The following KDM6A variants were observed in gnomAD, a reference collection of about 807,000 sequenced individuals.
KDM6A encodes the protein lysine-specific demethylase 6A.
In KDM6A, 11 loss-of-function variants were observed where a neutral mutation model predicts 117.6. That is an observed-to-expected ratio of 0.09 (90% CI 0.06 to 0.15). KDM6A has a LOEUF of 0.15. KDM6A is among the 10% of genes least tolerant of loss of function. The pLI is 1.00. For synonymous variants in KDM6A, 384 were observed against 396.1 expected, an observed-to-expected ratio of 0.97 and a Z score of 0.36; for missense variants, 799 against 1,077.3, an observed-to-expected ratio of 0.74 and a Z score of 3.62.
At chrX:44,941,875 G>A (rs2037346899) in intron 2 of KDM6A, among the ~76,000 whole-genome samples, 1 of 110,038 alleles carries the variant, frequency 9.1e-6, no homozygotes, top group Non-Finnish European at 1.9e-5. Context: ...CTGCATCACT[G>A]ACCTTCCTTT....
At chrX:44,928,925 A>G (rs1035929212) in intron 2 of KDM6A, among the ~76,000 whole-genome samples, 1 of 111,281 alleles carries the variant, frequency 9.0e-6, no homozygotes, top group Non-Finnish European at 1.9e-5. Context: ...ATAACCTTCA[A>G]AGTCATTTTA....
At position 45,002,028 on chromosome X, in the gene KDM6A, A is replaced by T. The variant is rs191206422; in HGVS notation, c.385-8933A>T. ...AGTGGAAGATAAACCAAGTATATAA[A>T]TTCTAAGAAACTGATCTTTTGTTTT... On this transcript the variant is annotated intron_variant, in intron 4 of 29. Coordinates refer to ENST00000611820, the MANE Select transcript of KDM6A (RefSeq NM_001291415.2). Among the ~76,000 whole-genome samples, 501 of 111,507 alleles carry T rather than the reference A, an allele frequency of 4.5e-3. 8 individuals are homozygous for T. Among genetic ancestry groups the T allele is most frequent in the African/African-American group, 0.013 (409 of 30,640 alleles).
intron 3 of KDM6A, among the ~76,000 whole-genome samples, chrX:44,964,676 T>G (rs186237772): frequency 8.9e-6 from 1 of 111,916 alleles, no homozygotes; most frequent in East Asian, 2.8e-4. Flanking sequence ...TTCAGTCGAC[T>G]GTGCTGTGAA....
In KDM6A at chrX:45,063,551, G is replaced by A. The variant is rs1569534053; in HGVS notation, c.1813G>A (p.Val605Ile). The A allele has an allele frequency of 8.3e-7, 1 of 1,211,679 alleles. No individual in the cohort carries two copies. The highest frequency in any genetic ancestry group is 1.7e-5 in the African/African-American group (1 of 57,754). The change falls in exon 17 of 30, where the codon GTC becomes ATC. Residue 605 changes from valine to isoleucine, a missense_variant. This residue lies in a region of KDM6A where 301 missense variants were observed against 318.3 expected (regional missense o/e 0.95). Transcript: ENST00000611820. ...PQLALTRVPS[V>I]SQPGVRPACP... The stretch of plus-strand genomic sequence containing the variant: ...GCTTGCTCTGACCAGAGTGCCTAGC[G>A]TCTCTCAGCCTGGAGTCCGTCCTGC...
chrX:44,914,972 C>T (rs1391373989), intron 2 of KDM6A, among the ~76,000 whole-genome samples: 2 of 111,124 alleles, frequency 1.8e-5, no homozygotes, highest in East Asian at 2.8e-4. Context: ...ATGAGTCTGT[C>T]CTGCTACATT....
chrX:45,016,762 T>G (rs2041988456), intron 5 of KDM6A, among the ~76,000 whole-genome samples: 1 of 111,576 alleles, frequency 9.0e-6, no homozygotes, highest in Non-Finnish European at 1.9e-5. Flanking sequence ...CCTCTCAAAG[T>G]GCTGGGATTA....
At chrX:44,999,267 G>A (rs1569512830) in intron 4 of KDM6A, among the ~76,000 whole-genome samples, 1 of 112,094 alleles carries the variant, frequency 8.9e-6, no homozygotes, top group Non-Finnish European at 1.9e-5. Flanking sequence ...AGAAGGGTGC[G>A]CCCTTACAGA....
intron 17 of KDM6A, among the ~76,000 whole-genome samples, chrX:45,065,806 A>G (rs1464018217): frequency 8.9e-6 from 1 of 112,114 alleles, no homozygotes; most frequent in Admixed American, 9.5e-5. Flanking sequence ...AGCAGAGAAG[A>G]ATAGAAGAGA....
chrX:45,081,546 A>G (rs777079531), intron 21 of KDM6A, among the ~76,000 whole-genome samples: 9 of 112,032 alleles, frequency 8.0e-5, no homozygotes, highest in Non-Finnish European at 1.7e-4. Context: ...AATAAAAAGT[A>G]TCTTATCTTC....
At chrX:44,959,979 T>C (rs942723416) in intron 2 of KDM6A, among the ~76,000 whole-genome samples, 46 of 111,839 alleles carry the variant, frequency 4.1e-4, no homozygotes, top group African/African-American at 1.3e-3. Context: ...TCGCCTTGTT[T>C]AGAATGGATT....
chrX:45,062,783 G>C, intron 16 of KDM6A, 35 bp downstream of exon 16: 1 of 925,175 alleles, frequency 1.1e-6, no homozygotes, highest in Non-Finnish European at 1.6e-6. Flanking sequence ...AAATTTGTTA[G>C]CATTTTGAGT....
chrX:45,004,805 C>T (rs1428108525), intron 4 of KDM6A, among the ~76,000 whole-genome samples: 1 of 111,385 alleles, frequency 9.0e-6, no homozygotes, highest in Admixed American at 9.5e-5. Flanking sequence ...GGAGGATGCT[C>T]ACATTCCCAA....
intron 2 of KDM6A, among the ~76,000 whole-genome samples, chrX:44,919,402 CTGA>C (rs1408179064): frequency 2.2e-4 from 24 of 110,631 alleles, no homozygotes; most frequent in African/African-American, 6.2e-4. Flanking sequence ...GTCTGATGTT[CTGA>C]TGATGATTAG....
chrX:45,001,583 C>T (rs2041144605), intron 4 of KDM6A, among the ~76,000 whole-genome samples: 1 of 111,577 alleles, frequency 9.0e-6, no homozygotes, highest in African/African-American at 3.3e-5. Flanking sequence ...ACTTGGCAAG[C>T]ACCCACGGGT....
intron 3 of KDM6A, among the ~76,000 whole-genome samples, chrX:44,968,758 G>A (rs917862460): frequency 9.0e-6 from 1 of 111,276 alleles, no homozygotes; most frequent in African/African-American, 3.3e-5. Flanking sequence ...ATCACCTGAG[G>A]TCAGGAACTC....
intron 4 of KDM6A, among the ~76,000 whole-genome samples, chrX:44,975,312 T>C (rs980281407): frequency 1.8e-5 from 2 of 111,097 alleles, no homozygotes; most frequent in African/African-American, 6.5e-5. Context: ...GAGTTTTTTT[T>C]TTTAAATCTG....
At chrX:45,026,656 G>A (rs1250290560) in intron 6 of KDM6A, among the ~76,000 whole-genome samples, 4 of 101,883 alleles carry the variant, frequency 3.9e-5, no homozygotes, top group Admixed American at 3.2e-4. Flanking sequence ...GAGAAATCCC[G>A]TCTCTACTAA....
At position 44,995,462 on chromosome X, in the gene KDM6A, A is replaced by G. The variant is rs141377121; in HGVS notation, c.385-15499A>G. 2.7e-3 allele frequency among the ~76,000 whole-genome samples: 302 copies of G among 110,221 alleles called. 2 individuals carry two copies. The highest frequency in any genetic ancestry group is 9.4e-3 in the African/African-American group (284 of 30,280). On this transcript the variant is annotated intron_variant, in intron 4 of 29. Transcript: ENST00000611820. ...ATATAAATGAAATTGTTGGGATACTATTTATTTATTTTTATTTATTTATTT... is the reference window on the plus strand; with the variant it reads ...ATATAAATGAAATTGTTGGGATACTGTTTATTTATTTTTATTTATTTATTT...
At chrX:44,987,946 T>C (rs5952664) in intron 4 of KDM6A, among the ~76,000 whole-genome samples, 12,592 of 110,466 alleles carry the variant, frequency 0.11, 890 homozygotes, top group African/African-American at 0.25. Flanking sequence ...TGAATTTGAA[T>C]GTTGGCCTGC....
Sources: gnomAD v4.1 joint callset for allele counts (sites outside exome capture counted in the v4.1 genomes callset) on GRCh38, gnomAD v4.1.1 for gene constraint, gnomAD v4.1.1 regional missense constraint, MANE v1.5 for transcripts, NCBI Gene and HGNC (gene_info 2026-07-23, HGNC 2026-07-21) for gene names.